PVT1: variants seen among roughly 807,000 people sequenced by gnomAD.
PVT1 encodes the protein Pvt1 oncogene.
At chr8:127,979,711 G>A (rs138878987) in intron 3 of PVT1, among the ~76,000 whole-genome samples, 2 of 152,204 alleles carry the variant, frequency 1.3e-5, no homozygotes, top group Non-Finnish European at 2.9e-5. Context: ...GTCATTTCAT[G>A]TGCCCCCGAC....
At chr8:127,883,236 G>A (rs1815489585) in intron 2 of PVT1, among the ~76,000 whole-genome samples, 1 of 152,142 alleles carries the variant, frequency 6.6e-6, no homozygotes, top group African/African-American at 2.4e-5. Context: ...CTCACTTTCT[G>A]TGTTCTGTAC....
At chr8:127,943,522 T>TG in intron 3 of PVT1, among the ~76,000 whole-genome samples, 1 of 152,314 alleles carries the variant, frequency 6.6e-6, no homozygotes, top group East Asian at 1.9e-4. Flanking sequence ...TGATTTGTTG[T>TG]GGGGGCTGTC....
At chr8:127,846,289 G>A (rs186966965) in intron 2 of PVT1, among the ~76,000 whole-genome samples, 9 of 152,302 alleles carry the variant, frequency 5.9e-5, no homozygotes, top group African/African-American at 2.2e-4. Context: ...TGAGTCCCTG[G>A]TGGGTGTCCA....
chr8:127,922,738 G>C (rs1341425214), intron 3 of PVT1, among the ~76,000 whole-genome samples: 1 of 152,226 alleles, frequency 6.6e-6, no homozygotes, highest in Admixed American at 6.5e-5. Flanking sequence ...CTGCAGGCTG[G>C]ACAGGATCTG....
chr8:128,088,508 G>A lies in PVT1; in HGVS notation n.1115-8010G>A, dbSNP rs192099507. ...TACTTTGTGCCAAGCACTGAGCGAG[G>A]TTCCCCATTTGCAGGTATTCGGGGA... On this transcript the variant is annotated intron_variant and non_coding_transcript_variant, in intron 5 of 10. Transcript: ENST00000651587. Among the ~76,000 whole-genome samples the A allele has an allele frequency of 3.5e-4, 54 of 152,302 alleles. No individual in the cohort carries two copies. The Middle Eastern group carries it at 0.017, about 48-fold the overall frequency.
At chr8:127,894,826 G>A (rs1815654618) in intron 3 of PVT1, among the ~76,000 whole-genome samples, 2 of 152,230 alleles carry the variant, frequency 1.3e-5, no homozygotes, top group Admixed American at 6.5e-5. Context: ...CCACGCCACT[G>A]GAGGCAGTGT....
chr8:127,962,279 C>A (rs2129948217), intron 3 of PVT1, among the ~76,000 whole-genome samples: 1 of 152,312 alleles, frequency 6.6e-6, no homozygotes, highest in East Asian at 1.9e-4. Flanking sequence ...ATGTAGAATT[C>A]TGAGCCCAGG....
intron 4 of PVT1, among the ~76,000 whole-genome samples, chr8:128,039,495 T>A (rs766320346): frequency 1.3e-5 from 2 of 152,162 alleles, no homozygotes; most frequent in Non-Finnish European, 2.9e-5. Context: ...GGGTGCTGCT[T>A]CCCCTTGTAG....
At chr8:127,990,600 G>A (rs866897625) in intron 4 of PVT1, among the ~76,000 whole-genome samples, 15 of 152,260 alleles carry the variant, frequency 9.9e-5, no homozygotes, top group Admixed American at 8.5e-4. Flanking sequence ...TGGGTGAGAA[G>A]CTGTGGACTG....
At chr8:128,069,006 T>C (rs995834153) in intron 4 of PVT1, among the ~76,000 whole-genome samples, 1 of 152,242 alleles carries the variant, frequency 6.6e-6, no homozygotes, top group African/African-American at 2.4e-5. Context: ...CCTATTGCAC[T>C]TCAGGGCAAA....
intron 3 of PVT1, among the ~76,000 whole-genome samples, chr8:127,976,693 G>T (rs887529271): frequency 6.6e-6 from 1 of 152,136 alleles, no homozygotes; most frequent in Non-Finnish European, 1.5e-5. Context: ...ACACTTTGGG[G>T]GCTCTGTATC....
intron 2 of PVT1, among the ~76,000 whole-genome samples, chr8:127,866,892 G>A (rs1052024873): frequency 6.6e-6 from 1 of 152,178 alleles, no homozygotes; most frequent in Non-Finnish European, 1.5e-5. Flanking sequence ...AGGAGCCTTG[G>A]GCCGTGTTAG....
chr8:128,078,251 T>C (rs1419001619), intron 5 of PVT1, among the ~76,000 whole-genome samples: 1 of 152,252 alleles, frequency 6.6e-6, no homozygotes, highest in Non-Finnish European at 1.5e-5. Context: ...TGTAAGAAAT[T>C]AATACATAAA....
chr8:128,020,620 G>T (rs1586484483), intron 4 of PVT1, among the ~76,000 whole-genome samples: 1 of 152,226 alleles, frequency 6.6e-6, no homozygotes, highest in East Asian at 1.9e-4. Context: ...AGAACCTCCT[G>T]ATAGGAGCCC....
chr8:127,948,710 G>A (rs1246478658), intron 3 of PVT1: 1 of 152,288 alleles, frequency 6.6e-6, no homozygotes, highest in African/African-American at 2.4e-5. Context: ...GACACAGGGA[G>A]GAGGTGGCCA....
At chr8:127,997,985 T>G (rs1442837740) in intron 4 of PVT1, among the ~76,000 whole-genome samples, 1 of 152,214 alleles carries the variant, frequency 6.6e-6, no homozygotes, top group Non-Finnish European at 1.5e-5. Context: ...GAGGGTTGTC[T>G]GATTCTTCTT....
chr8:128,043,564 C>G (rs1813571362), intron 4 of PVT1, among the ~76,000 whole-genome samples: 1 of 152,102 alleles, frequency 6.6e-6, no homozygotes, highest in Non-Finnish European at 1.5e-5. Context: ...AGCAGCCCAT[C>G]CCCCTGGGAT....
At chr8:127,863,078 T>TTTTA (rs146647918) in intron 2 of PVT1, among the ~76,000 whole-genome samples, 42,674 of 141,906 alleles carry the variant, frequency 0.3, 7,279 homozygotes, top group Non-Finnish European at 0.37. Context: ...CAGTTGCTAG[T>TTTTA]TTTATTTATT....
chr8:128,025,667 AGACT>A (rs1282123346), intron 4 of PVT1, among the ~76,000 whole-genome samples: 2 of 152,232 alleles, frequency 1.3e-5, no homozygotes, highest in African/African-American at 4.8e-5. Flanking sequence ...ACCATGTGAC[AGACT>A]ATTTCCAAGG....
Sources: gnomAD v4.1 joint callset for allele counts (sites outside exome capture counted in the v4.1 genomes callset) on GRCh38, gnomAD v4.1.1 for gene constraint, MANE v1.5 for transcripts, NCBI Gene and HGNC (gene_info 2026-07-23, HGNC 2026-07-21) for gene names.